Variants in SGTA observed in about 807,000 individuals in gnomAD.
SGTA encodes the protein small glutamine rich tetratricopeptide repeat co-chaperone alpha.
Under a neutral mutation model 44.3 loss-of-function variants are expected in SGTA, and 22 were observed. The ratio of observed to expected loss-of-function variants is 0.50; its 90% CI spans 0.36 to 0.71. The LOEUF is 0.71. Among genes scored for constraint, SGTA ranks in the 30% least tolerant of loss-of-function variants. The pLI is 0.00. For missense variants in SGTA, 341 were observed against 435.9 expected (o/e 0.78, Z 1.94); for synonymous variants, 174 against 177.6 (o/e 0.98, Z 0.16).
intron 4 of SGTA, among the ~76,000 whole-genome samples, 164 bp downstream of exon 4, chr19:2,766,972 G>A (rs547080988): frequency 3.4e-4 from 52 of 151,984 alleles, no homozygotes; most frequent in Non-Finnish European, 6.8e-4. Flanking sequence ...CAGTCCCCTC[G>A]CCAGTCCCCC....
At chr19:2,779,443 G>A (rs1354641476) in intron 1 of SGTA, among the ~76,000 whole-genome samples, 1 of 152,196 alleles carries the variant, frequency 6.6e-6, no homozygotes, top group African/African-American at 2.4e-5. Context: ...GCTCTTCAGA[G>A]GGGGGTCCAG....
chr19:2,776,834 ACAC>A (rs1915454878), intron 1 of SGTA, among the ~76,000 whole-genome samples: 1 of 152,108 alleles, frequency 6.6e-6, no homozygotes, highest in Admixed American at 6.6e-5. Flanking sequence ...ATGGTGGCGC[ACAC>A]CTGTAGTCCC....
intron 11 of SGTA, among the ~76,000 whole-genome samples, chr19:2,756,938 G>A (rs771367827): frequency 8.5e-5 from 13 of 152,150 alleles, no homozygotes; most frequent in Non-Finnish European, 1.6e-4. Context: ...TCCACCACTC[G>A]ATGACCTCGC....
At chr19:2,773,657 G>A (rs1279206178) in intron 1 of SGTA, among the ~76,000 whole-genome samples, 1 of 36,572 alleles carries the variant, frequency 2.7e-5, no homozygotes, top group Non-Finnish European at 4.2e-5. Flanking sequence ...CAGGGACACC[G>A]AGGGCAGAGA....
At position 2,754,794 on chromosome 19, in the gene SGTA, G is replaced by A. The variant is rs7009; in HGVS notation, c.*1146C>T. Reference sequence around the variant, plus strand: ...CTTGGCACACACCTCACCGCCATGAGCGGCTGCAGGGCCGCGGCGGCCCCC... The same window carrying A: ...CTTGGCACACACCTCACCGCCATGAACGGCTGCAGGGCCGCGGCGGCCCCC... On this transcript the variant is annotated 3_prime_UTR_variant, in exon 12 of 12. Coordinates refer to ENST00000221566, the MANE Select transcript of SGTA (RefSeq NM_003021.4). The surrounding 1 kb of genome is among the most constrained non-coding windows in gnomAD (Gnocchi z 4.4). The A allele has an allele frequency of 0.29, 43,509 of 151,988 alleles. 6,754 individuals are homozygous for A. The highest frequency in any genetic ancestry group is 0.65 in the East Asian group (3,321 of 5,082). 9.4% of individuals were successfully genotyped at this position (151,988 alleles called of 1,614,324 possible).
Position 2,769,063 on chromosome 19 carries a change from G to A in SGTA, c.6C>T (p.Asp2=), listed in dbSNP as rs1368107537. ...TGGCGTAGGCCAGGCGCTTCTTGTTGTCCATCTTGAGCCCAGAAGAGGTGA... is the reference window on the plus strand; with the variant it reads ...TGGCGTAGGCCAGGCGCTTCTTGTTATCCATCTTGAGCCCAGAAGAGGTGA... M[D]NKKRLAYAII... is the part of the protein sequence containing the mutation. Residue 2 remains aspartate (D), a synonymous_variant, in exon 2 of 12, where the codon GAC becomes GAT. Coordinates refer to ENST00000221566, the MANE Select transcript of SGTA (RefSeq NM_003021.4). 1 of 1,613,750 alleles carries A rather than the reference G, an allele frequency of 6.2e-7. No individual in the cohort carries two copies. Among genetic ancestry groups the A allele is most frequent in the Admixed American group, 1.7e-5 (1 of 60,014 alleles).
intron 1 of SGTA, among the ~76,000 whole-genome samples, chr19:2,782,983 C>G (rs1166970512): frequency 6.6e-6 from 1 of 152,234 alleles, no homozygotes. Context: ...CCCCTCCCGC[C>G]GTCCTCGCCA....
At chr19:2,781,923 C>A (rs957203910) in intron 1 of SGTA, among the ~76,000 whole-genome samples, 3 of 150,846 alleles carry the variant, frequency 2.0e-5, no homozygotes, top group Non-Finnish European at 4.4e-5. Context: ...GTCACTGCAA[C>A]CTCTGCCTCC....
chr19:2,758,812 G>A lies in SGTA; in HGVS notation c.737+445C>T, dbSNP rs115790577. Among the ~76,000 whole-genome samples the A allele has an allele frequency of 2.9e-3, 437 of 152,338 alleles. 4 individuals are homozygous for A. Among genetic ancestry groups the A allele is most frequent in the African/African-American group, 0.01 (418 of 41,574 alleles). Reference sequence around the variant, plus strand: ...ATATTACTCAGCCATGAAAAGGAGCGAGGCCCTGACCCAGGCCCCAGCACA... The same window carrying A: ...ATATTACTCAGCCATGAAAAGGAGCAAGGCCCTGACCCAGGCCCCAGCACA... On this transcript the variant is annotated intron_variant, in intron 9 of 11. Transcript: ENST00000221566.
chr19:2,776,621 T>C (rs370637525), intron 1 of SGTA, among the ~76,000 whole-genome samples: 14 of 152,290 alleles, frequency 9.2e-5, no homozygotes, highest in South Asian at 6.2e-4. Flanking sequence ...GATGGCTACA[T>C]AGCTGTGTGA....
chr19:2,776,877 C>A (rs1304622541), intron 1 of SGTA, among the ~76,000 whole-genome samples: 4 of 152,172 alleles, frequency 2.6e-5, no homozygotes, highest in East Asian at 3.9e-4. Flanking sequence ...GCGGGAGAAT[C>A]GCTTGAACCC....
At position 2,765,330 on chromosome 19, in the gene SGTA, G is replaced by A. The variant is rs2302494; in HGVS notation, c.293-45C>T. 61 of 1,423,308 alleles carry A rather than the reference G, an allele frequency of 4.3e-5. No individual in the cohort carries two copies. The highest frequency in any genetic ancestry group is 2.7e-4 in the South Asian group (23 of 85,368). The allele number at this position is 1,423,308 out of a possible 1,614,324, so 88.2% of individuals were successfully genotyped here. On this transcript the variant is annotated intron_variant, in intron 4 of 11. Coordinates refer to ENST00000221566, the MANE Select transcript of SGTA (RefSeq NM_003021.4). The surrounding 1 kb of genome is among the most constrained non-coding windows in gnomAD (Gnocchi z 5.5). ...CACCGGCCCGGTGTCCACACAGACC[G>A]GAGGGGGTGTCAGGGAGAGAGGAAA...
At chr19:2,756,480 G>T (rs1036461199) in intron 11 of SGTA, among the ~76,000 whole-genome samples, 3 of 151,574 alleles carry the variant, frequency 2.0e-5, no homozygotes, top group Non-Finnish European at 4.4e-5. Flanking sequence ...GATTAAGATT[G>T]TTCTTGCTGC....
chr19:2,759,319 G>T (rs1313481628), intron 8 of SGTA, 25 bp from the exon 9 acceptor site: 1 of 1,609,304 alleles, frequency 6.2e-7, no homozygotes, highest in African/African-American at 1.3e-5. Context: ...AAATTTGTCA[G>T]GAAGACAAAG....
intron 1 of SGTA, among the ~76,000 whole-genome samples, chr19:2,769,881 G>A (rs1915254049): frequency 2.3e-5 from 2 of 86,132 alleles, no homozygotes; most frequent in South Asian, 8.4e-4. Flanking sequence ...TTCCCCCACC[G>A]GACACCCTCC....
intron 11 of SGTA, 101 bp downstream of exon 11, chr19:2,757,236 C>T: frequency 3.5e-6 from 5 of 1,415,562 alleles, no homozygotes; most frequent in Non-Finnish European, 4.8e-6. Context: ...ACAGGCTCCA[C>T]AGCCCCCGGG....
intron 1 of SGTA, among the ~76,000 whole-genome samples, chr19:2,769,335 C>A (rs562036128): frequency 2.0e-5 from 3 of 152,316 alleles, no homozygotes; most frequent in African/African-American, 7.2e-5. Flanking sequence ...AGGGCCTGCC[C>A]TAGAGAACCC....
chr19:2,775,538 C>G (rs1779198816), intron 1 of SGTA, among the ~76,000 whole-genome samples: 1 of 152,212 alleles, frequency 6.6e-6, no homozygotes. Flanking sequence ...CATCAGCAAT[C>G]ATTAAAAAAC....
At position 2,765,061 on chromosome 19, in the gene SGTA, C is replaced by T; in HGVS notation, c.392+125G>A. On this transcript the variant is annotated intron_variant, in intron 5 of 11. Transcript: ENST00000221566. The surrounding 1 kb of genome is among the most constrained non-coding windows in gnomAD (Gnocchi z 5.5). ...CCTGATGCTCGCTCCTGGTCTGAGA[C>T]CACCGGTGAATGGATCCCTCATCTA... 1 of 675,246 alleles carries T rather than the reference C, an allele frequency of 1.5e-6. No homozygotes were observed. Among genetic ancestry groups the T allele is most frequent in the Non-Finnish European group, 2.6e-6 (1 of 380,538 alleles). The allele number at this position is 675,246 out of a possible 1,614,324, so 41.8% of individuals were successfully genotyped here.
Sources: gnomAD v4.1 joint callset for allele counts (sites outside exome capture counted in the v4.1 genomes callset) on GRCh38, gnomAD v4.1.1 for gene constraint, Gnocchi (gnomAD v3.1) non-coding constraint, MANE v1.5 for transcripts, NCBI Gene and HGNC (gene_info 2026-07-23, HGNC 2026-07-21) for gene names.